The following THSD7B variants were observed in gnomAD, a reference collection of about 807,000 sequenced individuals.
THSD7B encodes the protein thrombospondin type 1 domain containing 7B.
Under a neutral mutation model 213.6 loss-of-function variants are expected in THSD7B, and 138 were observed. The ratio of observed to expected loss-of-function variants is 0.65; its 90% confidence interval spans 0.56 to 0.74. THSD7B has a LOEUF of 0.74. Ranked by LOEUF, THSD7B falls within the 30% of genes least tolerant of loss-of-function variation. The pLI is 0.00. For missense variants in THSD7B, 1,931 were observed against 1,991.5 expected, an observed-to-expected ratio of 0.97 and a Z score of 0.58; for synonymous variants, 742 against 687.0, an observed-to-expected ratio of 1.08 and a Z score of -1.25.
At chr2:136,906,014 G>C (rs955929060) in intron 2 of THSD7B, among the ~76,000 whole-genome samples, 3 of 152,214 alleles carry the variant, frequency 2.0e-5, no homozygotes, top group African/African-American at 7.2e-5. Context: ...CCCCTCAATA[G>C]TGAGAAACAC....
chr2:136,850,539 TTGTTGC>T (rs1683082026), intron 1 of THSD7B, among the ~76,000 whole-genome samples: 3 of 152,028 alleles, frequency 2.0e-5, no homozygotes, highest in African/African-American at 7.2e-5. Flanking sequence ...TAAGAGTTTC[TTGTTGC>T]AAGACTTCTA....
At position 137,380,002 on chromosome 2, in the gene THSD7B, G is replaced by C. The variant is rs534441412; in HGVS notation, c.2501-25611G>C. Among the ~76,000 whole-genome samples, 5 of 152,328 alleles carry C rather than the reference G, an allele frequency of 3.3e-5. No individual in the cohort carries two copies. The South Asian group carries it at 1.0e-3, about 32-fold the overall frequency. On this transcript the variant is annotated intron_variant, in intron 12 of 27. Coordinates refer to ENST00000409968, the MANE Select transcript of THSD7B (RefSeq NM_001316349.2). ...CTTCCCATTGACAATACCAATGCAT[G>C]TCCTAACTCTGGTAGTTCTTTGCTC...
At chr2:137,046,730 CAAAA>C (rs59928985) in intron 2 of THSD7B, among the ~76,000 whole-genome samples, 2 of 44,306 alleles carry the variant, frequency 4.5e-5, no homozygotes, top group African/African-American at 8.4e-5. Context: ...AACTCCGTCT[CAAAA>C]AAAAAAAAAA....
intron 1 of THSD7B, among the ~76,000 whole-genome samples, chr2:136,862,064 G>A (rs1187281692): frequency 1.3e-5 from 2 of 152,236 alleles, no homozygotes; most frequent in Admixed American, 6.5e-5. Flanking sequence ...CCCATGGTGA[G>A]TGATCGAGAA....
intron 2 of THSD7B, among the ~76,000 whole-genome samples, chr2:137,001,413 G>C (rs1258000630): frequency 1.3e-5 from 2 of 152,088 alleles, no homozygotes; most frequent in Non-Finnish European, 2.9e-5. Context: ...CCTGGTTCTT[G>C]ATGCAAGGAA....
At chr2:137,619,753 T>A (rs1160535233) in intron 19 of THSD7B, among the ~76,000 whole-genome samples, 1 of 152,198 alleles carries the variant, frequency 6.6e-6, no homozygotes, top group African/African-American at 2.4e-5. Context: ...AATACCAGTT[T>A]AAAGCAATCT....
At chr2:137,626,463 C>CA (rs34778966) in intron 20 of THSD7B, among the ~76,000 whole-genome samples, 6,563 of 93,422 alleles carry the variant, frequency 0.07, 580 homozygotes, top group African/African-American at 0.19. Context: ...GACTCTGTCT[C>CA]AAAAAAAAAA....
intron 26 of THSD7B, among the ~76,000 whole-genome samples, chr2:137,665,254 G>A (rs922548879): frequency 3.3e-5 from 5 of 152,104 alleles, no homozygotes; most frequent in African/African-American, 1.2e-4. Context: ...TTAAGTTGAG[G>A]TCCCAGGGAA....
intron 14 of THSD7B, among the ~76,000 whole-genome samples, chr2:137,441,276 A>C (rs978286110): frequency 6.6e-6 from 1 of 152,108 alleles, no homozygotes; most frequent in Non-Finnish European, 1.5e-5. Context: ...AATCAAATTT[A>C]TACCAGAATT....
chr2:136,882,453 C>A, intron 2 of THSD7B, 136 bp downstream of exon 2: 1 of 1,003,002 alleles, frequency 1.0e-6, no homozygotes, highest in Admixed American at 4.2e-5. Context: ...TTAAATTCTG[C>A]AGCTCATATT....
intron 2 of THSD7B, among the ~76,000 whole-genome samples, chr2:137,055,473 C>T (rs1386288585): frequency 6.6e-6 from 1 of 152,144 alleles, no homozygotes; most frequent in Non-Finnish European, 1.5e-5. Context: ...GTTGTTGACA[C>T]AAAATGTGAT....
At chr2:137,149,408 G>T (rs1679769881) in intron 5 of THSD7B, among the ~76,000 whole-genome samples, 1 of 152,128 alleles carries the variant, frequency 6.6e-6, no homozygotes, top group Non-Finnish European at 1.5e-5. Context: ...TGTGAGAAGA[G>T]GGCCACTGTT....
At chr2:137,368,352 T>G (rs1433400097) in intron 12 of THSD7B, among the ~76,000 whole-genome samples, 1 of 152,114 alleles carries the variant, frequency 6.6e-6, no homozygotes, top group Non-Finnish European at 1.5e-5. Flanking sequence ...CTCTCTTTTT[T>G]CACTTAAAAA....
At chr2:137,063,299 G>A (rs1687314160) in intron 3 of THSD7B, among the ~76,000 whole-genome samples, 1 of 151,812 alleles carries the variant, frequency 6.6e-6, no homozygotes, top group Admixed American at 6.6e-5. Context: ...CAATACAATT[G>A]TATTAATATT....
chr2:136,819,555 A>G (rs1450199290), intron 1 of THSD7B, among the ~76,000 whole-genome samples: 1 of 152,106 alleles, frequency 6.6e-6, no homozygotes, highest in African/African-American at 2.4e-5. Flanking sequence ...ACTGGGGAAA[A>G]GGCACTCACT....
intron 12 of THSD7B, among the ~76,000 whole-genome samples, chr2:137,311,006 A>G (rs1190282346): frequency 1.3e-5 from 2 of 150,414 alleles, no homozygotes; most frequent in Non-Finnish European, 3.0e-5. Flanking sequence ...TTGCTTCCAT[A>G]TGAACTTTAA....
intron 10 of THSD7B, among the ~76,000 whole-genome samples, chr2:137,258,857 C>G (rs923163867): frequency 1.3e-5 from 2 of 151,874 alleles, no homozygotes; most frequent in Non-Finnish European, 2.9e-5. Flanking sequence ...CCTGACAGGC[C>G]CTGAAGCGTG....
intron 7 of THSD7B, among the ~76,000 whole-genome samples, chr2:137,185,428 T>A (rs908220397): frequency 6.6e-6 from 1 of 152,148 alleles, no homozygotes; most frequent in Non-Finnish European, 1.5e-5. Flanking sequence ...CAGTATCTAT[T>A]GTTCTCATAT....
intron 21 of THSD7B, among the ~76,000 whole-genome samples, chr2:137,647,552 A>G (rs115732460): frequency 0.023 from 3,541 of 151,516 alleles, 128 homozygotes; most frequent in African/African-American, 0.08. Flanking sequence ...CAGCAGCAAT[A>G]GTCACAAAGC....
Sources: allele counts gnomAD v4.1 joint callset (sites outside exome capture counted in the v4.1 genomes callset), GRCh38; gene constraint gnomAD v4.1.1; transcripts MANE v1.5; gene names NCBI Gene and HGNC (gene_info 2026-07-23, HGNC 2026-07-21).